Variants in KIAA0753 observed in about 807,000 individuals in gnomAD.
KIAA0753 encodes protein moonraker.
KIAA0753 carries 114 observed loss-of-function variants against 116.9 expected under a neutral mutation model. The observed-to-expected ratio is 0.98, with a 90% CI of 0.84 to 1.14. The LOEUF (loss-of-function observed/expected upper bound fraction) is 1.14, where lower values mean the gene tolerates loss of function less well. Ranked by LOEUF, KIAA0753 falls within the 50% of genes most tolerant of loss-of-function variation. The pLI is 0.00. For synonymous variants in KIAA0753, 405 were observed against 413.1 expected (o/e 0.98, Z 0.24); for missense variants, 1,156 against 1,172.4 (o/e 0.99, Z 0.20).
rs1567540693 is a variant in KIAA0753, at chr17:6,591,055, A to AGAAGGAAG, written c.2441-426_2441-425insCTTCCTTC. Among the ~76,000 whole-genome samples the AGAAGGAAG allele has an allele frequency of 3.2e-5, 2 of 63,338 alleles. 1 individual carries two copies. Among genetic ancestry groups the AGAAGGAAG allele is most frequent in the East Asian group, 9.7e-4 (2 of 2,062 alleles). The allele number at this position is 63,338 out of a possible 152,430, so 41.6% of individuals were successfully genotyped here. A position where few individuals can be genotyped will look rare whatever the true frequency, so the allele number is the denominator to read the frequency against. On this transcript the variant is annotated intron_variant, in intron 16 of 18. Transcript: ENST00000361413. ...GAAGGAAGAAGGAAGAAGAAGAAGA[A>AGAAGGAAG]GAAGAAGAAGAAGAAGAAGAAGAAG...
At position 6,639,379 on chromosome 17, in the gene KIAA0753, G is replaced by A. The variant is rs1465587980; in HGVS notation, c.-69+1258C>T. On this transcript the variant is annotated intron_variant, in intron 1 of 18. Coordinates refer to ENST00000361413, the MANE Select transcript of KIAA0753 (RefSeq NM_014804.3). This position sits in a 1 kb window ranked among gnomAD's most constrained non-coding sequence, Gnocchi z 4.3. ...AGCCCCAGTCCACCCCACGGTCCCA[G>A]GCTCGCCCATAGTCTGTTCTTTTTC... 1 of 152,700 alleles carries A rather than the reference G, an allele frequency of 6.5e-6. No individual in the cohort carries two copies. Among genetic ancestry groups the A allele is most frequent in the Non-Finnish European group, 1.5e-5 (1 of 68,552 alleles). The allele number at this position is 152,700 out of a possible 1,614,324, so 9.5% of individuals were successfully genotyped here.
Position 6,590,581 on chromosome 17 carries a change from G to T in KIAA0753, c.2490C>A (p.Ile830=), listed in dbSNP as rs1009743486. The change falls in exon 17 of 19, where the codon ATC becomes ATA. Residue 830 remains isoleucine (I), a synonymous_variant. Coordinates refer to ENST00000361413, the MANE Select transcript of KIAA0753 (RefSeq NM_014804.3). ...ISEKPLSPHP[I]RITKTVDRKD... is the part of the protein sequence containing the mutation. The stretch of plus-strand genomic sequence containing the variant: ...TGCGATCCACTGTCTTCGTGATTCT[G>T]ATTGGATGAGGAGATAGAGGCTTTT... 6 of 1,613,892 alleles carry T rather than the reference G, an allele frequency of 3.7e-6. No individual in the cohort carries two copies. Among genetic ancestry groups the T allele is most frequent in the Non-Finnish European group, 4.2e-6 (5 of 1,179,916 alleles).
intron 2 of KIAA0753, among the ~76,000 whole-genome samples, chr17:6,634,308 TAGTC>T (rs1474254954): frequency 1.3e-5 from 2 of 152,138 alleles, no homozygotes; most frequent in East Asian, 3.9e-4. Flanking sequence ...TTCACTATGT[TAGTC>T]AGGCTGGTCT....
At chr17:6,601,532 C>G (rs186989536) in intron 12 of KIAA0753, among the ~76,000 whole-genome samples, 1 of 152,158 alleles carries the variant, frequency 6.6e-6, no homozygotes, top group Non-Finnish European at 1.5e-5. Context: ...GACCTAAAGA[C>G]CAACATAAGT....
At chr17:6,591,068 G>GA (rs1969016304) in intron 16 of KIAA0753, among the ~76,000 whole-genome samples, 2 of 51,354 alleles carry the variant, frequency 3.9e-5, no homozygotes, top group Admixed American at 2.4e-4. Context: ...AGAAGAAGAA[G>GA]AAGAAGAAGA....
At chr17:6,604,908 A>C (rs1970095760) in intron 12 of KIAA0753, among the ~76,000 whole-genome samples, 1 of 152,096 alleles carries the variant, frequency 6.6e-6, no homozygotes, top group Non-Finnish European at 1.5e-5. Flanking sequence ...TTATCAGCTA[A>C]TAAAGACATT....
chr17:6,605,344 C>T (rs927901950), intron 12 of KIAA0753, among the ~76,000 whole-genome samples: 3 of 152,304 alleles, frequency 2.0e-5, no homozygotes, highest in Admixed American at 1.3e-4. Context: ...CAGCCCCTCT[C>T]CTGACAAGGC....
intron 13 of KIAA0753, among the ~76,000 whole-genome samples, chr17:6,599,928 A>G (rs1474655819): frequency 6.6e-6 from 1 of 152,108 alleles, no homozygotes; most frequent in Non-Finnish European, 1.5e-5. Flanking sequence ...GGAGGATGGC[A>G]CAACCTCTTG....
intron 16 of KIAA0753, among the ~76,000 whole-genome samples, chr17:6,594,153 T>C (rs1567544380): frequency 6.6e-6 from 1 of 152,166 alleles, no homozygotes; most frequent in East Asian, 1.9e-4. Context: ...TCATAGCAGA[T>C]TTATTCCTAA....
Position 6,623,001 on chromosome 17 carries a change from G to C in KIAA0753, c.985C>G (p.Leu329Val). 1 of 1,614,172 alleles carries C rather than the reference G, an allele frequency of 6.2e-7. No homozygotes were observed. Among genetic ancestry groups the C allele is most frequent in the Non-Finnish European group, 8.5e-7 (1 of 1,180,006 alleles). Residue 329 changes from leucine to valine, a missense_variant, in exon 6 of 19, where the codon CTT (leucine) becomes GTT (valine). Physicochemically the swap from Leu to Val is conservative, Grantham distance 32. Transcript: ENST00000361413. The stretch of plus-strand genomic sequence containing the variant: ...CCCAGTTCCTTACACCGAGCAGGAA[G>C]TGGATGCTCCCCTCGGTCAGTAAAC... ...TQFTDRGEHP[L>V]PARCKELGSL...
intron 17 of KIAA0753, 65 bp from the exon 18 acceptor site, chr17:6,590,068 T>G (rs895448406): frequency 2.4e-6 from 3 of 1,263,562 alleles, no homozygotes; most frequent in Non-Finnish European, 3.3e-6. Flanking sequence ...AACTGTTAAT[T>G]TACCCTCATG....
At position 6,600,264 on chromosome 17, in the gene KIAA0753, TC is replaced by T. The variant is rs374459317; in HGVS notation, c.2088+115del. On this transcript the variant is annotated intron_variant, in intron 13 of 18. Transcript: ENST00000361413. ...AGTGTGTGGTGGTCTGGGGGTATCT[TC>T]CAGATGCCACAGAGACACTTAGCCC... is the stretch of plus-strand genomic sequence containing the variant. The T allele has an allele frequency of 2.3e-3, 1,779 of 763,714 alleles. 21 individuals carry two copies. The African/African-American group carries it at 0.026, about 11-fold the overall frequency. 47.3% of individuals were successfully genotyped at this position (763,714 alleles called of 1,614,324 possible).
chr17:6,596,800 C>G (rs979834484), intron 14 of KIAA0753, among the ~76,000 whole-genome samples: 6 of 152,140 alleles, frequency 3.9e-5, no homozygotes, highest in African/African-American at 1.4e-4. Context: ...AACTCTGTAC[C>G]TATCATCTGG....
chr17:6,623,638 G>A (rs1971471931), intron 4 of KIAA0753, 67 bp from the exon 5 acceptor site: 1 of 1,554,476 alleles, frequency 6.4e-7, no homozygotes, highest in Non-Finnish European at 8.6e-7. Flanking sequence ...AGAAAAGGAT[G>A]CATCGATATA....
intron 13 of KIAA0753, among the ~76,000 whole-genome samples, 170 bp from the exon 14 acceptor site, chr17:6,599,490 G>A (rs1969706073): frequency 6.6e-6 from 1 of 152,242 alleles, no homozygotes; most frequent in African/African-American, 2.4e-5. Context: ...CAAATGCCAT[G>A]TGTTGATCTT....
intron 10 of KIAA0753, among the ~76,000 whole-genome samples, 169 bp from the exon 11 acceptor site, chr17:6,607,439 G>C (rs974470078): frequency 3.9e-5 from 6 of 152,146 alleles, no homozygotes; most frequent in African/African-American, 1.4e-4. Context: ...AAGCTCTCTA[G>C]AACGTGTTCC....
At chr17:6,624,604 C>T in intron 4 of KIAA0753, 151 bp downstream of exon 4, 1 of 570,292 alleles carries the variant, frequency 1.8e-6, no homozygotes, top group Non-Finnish European at 3.2e-6. Context: ...ATTATTTGCC[C>T]ATGTGTTCAG....
chr17:6,611,909 G>C lies in KIAA0753; in HGVS notation c.1545+10C>G. On this transcript the variant is annotated intron_variant, in intron 8 of 18. Coordinates refer to ENST00000361413, the MANE Select transcript of KIAA0753 (RefSeq NM_014804.3). Reference sequence around the variant, plus strand: ...CACAAATGGGCCAAAAGAGAGGAATGATTTCATACTTGCTGTCTTGCTGGC... The same window carrying C: ...CACAAATGGGCCAAAAGAGAGGAATCATTTCATACTTGCTGTCTTGCTGGC... 1 of 1,608,190 alleles carries C rather than the reference G, an allele frequency of 6.2e-7. No individual in the cohort carries two copies. The highest frequency in any genetic ancestry group is 1.1e-5 in the South Asian group (1 of 90,908).
intron 6 of KIAA0753, 43 bp from the exon 7 acceptor site, chr17:6,621,041 A>C: frequency 6.3e-7 from 1 of 1,577,698 alleles, no homozygotes; most frequent in Non-Finnish European, 8.6e-7. Context: ...TTATCTCGCA[A>C]AAGTATGACT....
Sources: gnomAD v4.1 joint callset for allele counts (sites outside exome capture counted in the v4.1 genomes callset) on GRCh38, gnomAD v4.1.1 for gene constraint, Gnocchi (gnomAD v3.1) non-coding constraint, MANE v1.5 for transcripts, NCBI Gene and HGNC (gene_info 2026-07-23, HGNC 2026-07-21) for gene names.